Variants in NEK7 observed in about 807,000 individuals in gnomAD.
NEK7 encodes serine/threonine-protein kinase Nek7.
NEK7 carries 18 observed loss-of-function variants against 44.6 expected under a neutral mutation model. The observed-to-expected ratio is 0.40, with a 90% CI of 0.28 to 0.60. The LOEUF (loss-of-function observed/expected upper bound fraction) is 0.60, where lower values mean the gene tolerates loss of function less well. NEK7 is among the 20% of genes least tolerant of loss of function. The pLI, the probability that NEK7 is intolerant of heterozygous loss-of-function variation, is 0.38. For synonymous variants in NEK7, 130 were observed against 121.1 expected (o/e 1.07, Z -0.48); for missense variants, 256 against 366.5 (o/e 0.70, Z 2.46).
chr1:198,213,164 G>A (rs12071043), intron 1 of NEK7, among the ~76,000 whole-genome samples: 4,332 of 152,254 alleles, frequency 0.028, 200 homozygotes, highest in African/African-American at 0.098. Flanking sequence ...TTGACCGAGA[G>A]TCATAGAAGG....
intron 9 of NEK7, among the ~76,000 whole-genome samples, chr1:198,305,970 G>A (rs551174357): frequency 2.6e-5 from 4 of 152,060 alleles, no homozygotes; most frequent in Non-Finnish European, 4.4e-5. Flanking sequence ...GAATTTTCCC[G>A]GGCAGTATAA....
At chr1:198,180,860 A>C (rs1315561622) in intron 1 of NEK7, among the ~76,000 whole-genome samples, 1 of 152,120 alleles carries the variant, frequency 6.6e-6, no homozygotes, top group African/African-American at 2.4e-5. Flanking sequence ...CACATTTTTT[A>C]ATGTTGATTT....
chr1:198,246,844 CA>C (rs922465086), intron 2 of NEK7, among the ~76,000 whole-genome samples: 6 of 152,180 alleles, frequency 3.9e-5, no homozygotes, highest in Non-Finnish European at 7.3e-5. Context: ...TTGAGATTGA[CA>C]AATCTTCATT....
chr1:198,287,076 C>CTGT (rs1654393742), intron 7 of NEK7, among the ~76,000 whole-genome samples: 1 of 152,176 alleles, frequency 6.6e-6, no homozygotes, highest in Non-Finnish European at 1.5e-5. Flanking sequence ...AAATTTCTGC[C>CTGT]TGTAACGCCA....
chr1:198,281,755 T>G (rs1654205031), intron 7 of NEK7, among the ~76,000 whole-genome samples: 2 of 152,128 alleles, frequency 1.3e-5, no homozygotes, highest in South Asian at 4.1e-4. Flanking sequence ...TTAACAGTCC[T>G]TAAGAGATTG....
chr1:198,166,137 C>G (rs1028139837), intron 1 of NEK7, among the ~76,000 whole-genome samples: 1 of 152,198 alleles, frequency 6.6e-6, no homozygotes, highest in South Asian at 2.1e-4. Context: ...CTATCCAGAC[C>G]GCTAAAACTT....
intron 9 of NEK7, among the ~76,000 whole-genome samples, chr1:198,316,855 A>T (rs1198124154): frequency 2.0e-5 from 3 of 152,210 alleles, no homozygotes; most frequent in African/African-American, 4.8e-5. Flanking sequence ...TTAGAAAGGA[A>T]AATGAGTCAT....
chr1:198,187,660 GACA>G (rs1664960935), intron 1 of NEK7, among the ~76,000 whole-genome samples: 2 of 152,120 alleles, frequency 1.3e-5, no homozygotes, highest in African/African-American at 2.4e-5. Context: ...GAGCAACAGG[GACA>G]ACAACTGAAT....
At chr1:198,287,627 CAAAT>C (rs1654415859) in intron 7 of NEK7, among the ~76,000 whole-genome samples, 1 of 151,670 alleles carries the variant, frequency 6.6e-6, no homozygotes, top group South Asian at 2.1e-4. Context: ...AATTTATAAA[CAAAT>C]CATTTTCTTT....
chr1:198,259,719 C>T (rs1490951418), intron 3 of NEK7, among the ~76,000 whole-genome samples: 2 of 152,032 alleles, frequency 1.3e-5, no homozygotes, highest in African/African-American at 4.8e-5. Flanking sequence ...ATATAATAAT[C>T]CCTTTGGGGG....
chr1:198,279,262 C>T (rs1026321809), intron 7 of NEK7, among the ~76,000 whole-genome samples: 1 of 151,720 alleles, frequency 6.6e-6, no homozygotes, highest in Non-Finnish European at 1.5e-5. Context: ...GTTAACTTGA[C>T]CTCAGGCAGA....
At chr1:198,247,840 G>A (rs753444058) in intron 2 of NEK7, among the ~76,000 whole-genome samples, 1 of 152,114 alleles carries the variant, frequency 6.6e-6, no homozygotes, top group Non-Finnish European at 1.5e-5. Context: ...TGTACTAAGG[G>A]TTAATGCAAA....
intron 7 of NEK7, 63 bp downstream of exon 7, chr1:198,279,124 T>C: frequency 1.0e-6 from 1 of 976,018 alleles, no homozygotes. Flanking sequence ...AGATAAGAGG[T>C]ATACCAATTA....
chr1:198,251,637 T>G (rs1170286138), intron 2 of NEK7, among the ~76,000 whole-genome samples: 1 of 152,086 alleles, frequency 6.6e-6, no homozygotes, highest in Admixed American at 6.5e-5. Flanking sequence ...TATCCATTTC[T>G]TCTAGATTTT....
At chr1:198,179,144 A>G (rs1004731947) in intron 1 of NEK7, among the ~76,000 whole-genome samples, 5 of 152,038 alleles carry the variant, frequency 3.3e-5, no homozygotes. Flanking sequence ...AGTATAGGAA[A>G]TATATTAATC....
intron 2 of NEK7, among the ~76,000 whole-genome samples, chr1:198,234,812 G>C (rs760628051): frequency 3.9e-5 from 6 of 152,170 alleles, no homozygotes; most frequent in Non-Finnish European, 7.3e-5. Context: ...TAGCTGCCTT[G>C]TGGCAGGTGG....
intron 5 of NEK7, among the ~76,000 whole-genome samples, chr1:198,267,959 G>C (rs977955196): frequency 6.6e-6 from 1 of 151,654 alleles, no homozygotes; most frequent in Non-Finnish European, 1.5e-5. Context: ...TCTTCATTCT[G>C]CTTGATTTCT....
intron 2 of NEK7, among the ~76,000 whole-genome samples, chr1:198,243,048 C>T (rs1250183237): frequency 1.3e-5 from 2 of 152,044 alleles, no homozygotes; most frequent in African/African-American, 2.4e-5. Context: ...GTGTCCTTTC[C>T]GCTGGTCCTT....
At chr1:198,179,580 A>G (rs1664698262) in intron 1 of NEK7, among the ~76,000 whole-genome samples, 1 of 151,408 alleles carries the variant, frequency 6.6e-6, no homozygotes, top group Non-Finnish European at 1.5e-5. Flanking sequence ...GTGTTCATGT[A>G]GGAAAATCAA....
Sources: gnomAD v4.1 joint callset for allele counts (sites outside exome capture counted in the v4.1 genomes callset) on GRCh38, gnomAD v4.1.1 for gene constraint, MANE v1.5 for transcripts, NCBI Gene and HGNC (gene_info 2026-07-23, HGNC 2026-07-21) for gene names.